Variants in CAMSAP2 observed in about 807,000 individuals in gnomAD.
The protein encoded by CAMSAP2 is calmodulin regulated spectrin associated protein family member 2, also known as calmodulin-regulated spectrin-associated protein 2.
CAMSAP2 carries 26 observed loss-of-function variants against 146.1 expected under a neutral mutation model. That is an observed-to-expected ratio of 0.18 (90% CI 0.13 to 0.25). The LOEUF is 0.25. Ranked by LOEUF, CAMSAP2 falls within the 10% of genes least tolerant of loss-of-function variation. The pLI is 1.00. For synonymous variants in CAMSAP2, 499 were observed against 596.6 expected (o/e 0.84, Z 2.38); for missense variants, 1,381 against 1,759.3 (o/e 0.78, Z 3.85).
Position 200,738,949 on chromosome 1 carries a change from G to T in CAMSAP2, c.-879G>T, listed in dbSNP as rs923638005. Among the ~76,000 whole-genome samples, 4 of 152,024 alleles carry T rather than the reference G, an allele frequency of 2.6e-5. No homozygotes were observed. The highest frequency in any genetic ancestry group is 9.7e-5 in the African/African-American group (4 of 41,386). On this transcript the variant is annotated 5_prime_UTR_variant, in exon 1 of 17. Transcript: ENST00000358823. Reference sequence around the variant, plus strand: ...GCAGCCGGAAAACCGCAGCGGCGGCGGCGGCGGCTGAGGGGGAACGATCCA... The same window carrying T: ...GCAGCCGGAAAACCGCAGCGGCGGCTGCGGCGGCTGAGGGGGAACGATCCA...
At chr1:200,782,221 T>G (rs1335120809) in intron 2 of CAMSAP2, among the ~76,000 whole-genome samples, 1 of 152,154 alleles carries the variant, frequency 6.6e-6, no homozygotes. Context: ...AGAAATGAAG[T>G]ATTATCCCAC....
chr1:200,772,141 T>G (rs1044317621), intron 2 of CAMSAP2, among the ~76,000 whole-genome samples: 1 of 152,192 alleles, frequency 6.6e-6, no homozygotes, highest in South Asian at 2.1e-4. Context: ...GAATGCATTT[T>G]ACTTCAAGAT....
chr1:200,769,750 C>T (rs1665062657), intron 2 of CAMSAP2, among the ~76,000 whole-genome samples: 1 of 152,218 alleles, frequency 6.6e-6, no homozygotes, highest in South Asian at 2.1e-4. Flanking sequence ...CCAGGAACCT[C>T]ACTGTGCTTA....
intron 1 of CAMSAP2, among the ~76,000 whole-genome samples, chr1:200,743,779 A>G (rs4915455): frequency 3.3e-5 from 5 of 152,094 alleles, no homozygotes; most frequent in Admixed American, 3.3e-4. Flanking sequence ...CGTCTCTACT[A>G]AAAATAGAAA....
chr1:200,789,109 A>G (rs1234844490), intron 2 of CAMSAP2, among the ~76,000 whole-genome samples: 1 of 152,094 alleles, frequency 6.6e-6, no homozygotes, highest in Non-Finnish European at 1.5e-5. Context: ...TGTCTTTTGC[A>G]ATTGTTTTCT....
At chr1:200,743,858 T>C (rs2102984049) in intron 1 of CAMSAP2, among the ~76,000 whole-genome samples, 1 of 152,162 alleles carries the variant, frequency 6.6e-6, no homozygotes, top group Middle Eastern at 3.4e-3. Flanking sequence ...GGATAATCGC[T>C]TGAACCCAGG....
chr1:200,823,801 C>G (rs1308061699), intron 4 of CAMSAP2, among the ~76,000 whole-genome samples: 4 of 152,216 alleles, frequency 2.6e-5, no homozygotes, highest in Non-Finnish European at 5.9e-5. Context: ...AAGCTCACTC[C>G]CTGAAAGGGA....
chr1:200,821,760 C>G (rs373043924), intron 4 of CAMSAP2, among the ~76,000 whole-genome samples: 2 of 152,126 alleles, frequency 1.3e-5, no homozygotes, highest in African/African-American at 4.8e-5. Context: ...CGTCCCTGTT[C>G]TATTATTAAC....
intron 2 of CAMSAP2, among the ~76,000 whole-genome samples, chr1:200,782,763 C>T (rs980301805): frequency 7.2e-6 from 1 of 139,832 alleles, no homozygotes; most frequent in Non-Finnish European, 1.6e-5. Context: ...TGTATTTAGA[C>T]ATGTATTTTC....
intron 1 of CAMSAP2, among the ~76,000 whole-genome samples, chr1:200,745,570 G>T (rs1275711642): frequency 6.6e-6 from 1 of 152,174 alleles, no homozygotes. Flanking sequence ...CTTGTAAGAG[G>T]TGGAAACAAA....
Position 200,848,902 on chromosome 1 carries a change from A to T in CAMSAP2, c.2133A>T (p.Lys711Asn). 6.2e-7 allele frequency: 1 copy of T among 1,614,182 alleles called. No homozygotes were observed. The highest frequency in any genetic ancestry group is 8.5e-7 in the Non-Finnish European group (1 of 1,180,018). ...DGKSSGSSSQKTTPEGSELNI... is the reference protein window; with the variant it reads ...DGKSSGSSSQNTTPEGSELNI... The stretch of plus-strand genomic sequence containing the variant: ...AAAGTAGTGGAAGCAGTTCTCAAAA[A>T]ACTACACCAGAAGGCTCTGAACTTA... The change falls in exon 11 of 17, where the codon AAA becomes AAT. Residue 711 changes from lysine (K) to asparagine (N), a missense_variant. By Grantham distance (94) the Lys-to-Asn change is moderately conservative (BLOSUM62 0). Transcript: ENST00000358823.
Position 200,815,630 on chromosome 1 carries a change from C to G in CAMSAP2, c.631C>G (p.Pro211Ala). ...GAAAGAACATCACACAGTTGAAGCT[C>G]CAGGAGGTCAAAAGGTATTTATTTC... ...KLKEHHTVEA[P>A]GGQKARYRKE... is the part of the protein sequence containing the mutation. Residue 211 changes from proline to alanine, a missense_variant, in exon 4 of 17, where the codon CCA becomes GCA. Physicochemically the swap from Pro to Ala is conservative, Grantham distance 27. This residue lies in a region of CAMSAP2 where 284 missense variants were observed against 406.9 expected (regional missense o/e 0.70). Coordinates refer to ENST00000358823, the MANE Select transcript of CAMSAP2 (RefSeq NM_203459.4). 6.4e-7 allele frequency: 1 copy of G among 1,561,920 alleles called. No homozygotes were observed.
At chr1:200,844,353 G>A (rs1054678622) in intron 7 of CAMSAP2, among the ~76,000 whole-genome samples, 2 of 151,706 alleles carry the variant, frequency 1.3e-5, no homozygotes, top group African/African-American at 4.8e-5. Flanking sequence ...TTCGAGACCA[G>A]CCTGGCCAAT....
chr1:200,809,829 C>G (rs997415267), intron 3 of CAMSAP2, among the ~76,000 whole-genome samples: 1 of 152,010 alleles, frequency 6.6e-6, no homozygotes, highest in Non-Finnish European at 1.5e-5. Context: ...CTAAGAGATC[C>G]CAGGTGAAGA....
intron 1 of CAMSAP2, among the ~76,000 whole-genome samples, chr1:200,751,211 A>G (rs533224531): frequency 3.1e-4 from 47 of 151,470 alleles, no homozygotes; most frequent in Non-Finnish European, 6.8e-4. Context: ...CAATGTATAT[A>G]TAACGTGTGT....
intron 1 of CAMSAP2, among the ~76,000 whole-genome samples, chr1:200,755,204 T>TGCTA (rs1428095856): frequency 6.6e-6 from 1 of 152,338 alleles, no homozygotes; most frequent in East Asian, 1.9e-4. Context: ...AAGATACAGG[T>TGCTA]GCTAGGCTTA....
chr1:200,816,890 A>C (rs561665128), intron 4 of CAMSAP2, among the ~76,000 whole-genome samples: 1 of 66,356 alleles, frequency 1.5e-5, no homozygotes, highest in East Asian at 7.2e-4. Context: ...ACGCGTGTGT[A>C]TGTGTGTACA....
At position 200,835,691 on chromosome 1, in the gene CAMSAP2, A is replaced by G. The variant is rs75094977; in HGVS notation, c.927+2846A>G. ...CATTCATATCAGAATGAAAGGTAAT[A>G]TCATTTCCATATATATCTTGTAATG... On this transcript the variant is annotated intron_variant, in intron 6 of 16. Coordinates refer to ENST00000358823, the MANE Select transcript of CAMSAP2 (RefSeq NM_203459.4). Among the ~76,000 whole-genome samples the G allele has an allele frequency of 1.4e-3, 209 of 152,330 alleles. 1 individual carries two copies. The highest frequency in any genetic ancestry group is 4.7e-3 in the African/African-American group (194 of 41,584).
At chr1:200,852,727 G>C in intron 12 of CAMSAP2, 50 bp downstream of exon 12, 1 of 1,550,628 alleles carries the variant, frequency 6.4e-7, no homozygotes, top group Non-Finnish European at 8.7e-7. Flanking sequence ...AATGATGCAT[G>C]GGCATATTTA....
Sources: gnomAD v4.1 joint callset for allele counts (sites outside exome capture counted in the v4.1 genomes callset) on GRCh38, gnomAD v4.1.1 for gene constraint, gnomAD v4.1.1 regional missense constraint, MANE v1.5 for transcripts, NCBI Gene and HGNC (gene_info 2026-07-23, HGNC 2026-07-21) for gene names.